DPYD: variants seen among roughly 807,000 people sequenced by gnomAD.
The protein encoded by DPYD is dihydropyrimidine dehydrogenase [NADP(+)].
A neutral mutation model predicts 116.2 loss-of-function variants in DPYD; 109 were observed. The observed-to-expected ratio is 0.94, with a 90% CI of 0.80 to 1.10. The LOEUF (loss-of-function observed/expected upper bound fraction) is 1.10, where lower values mean the gene tolerates loss of function less well. Among genes scored for constraint, DPYD ranks in the 50% least tolerant of loss-of-function variants. The pLI is 0.00. For missense variants in DPYD, 1,302 were observed against 1,254.5 expected (o/e 1.04, Z -0.57); for synonymous variants, 440 against 432.0 (o/e 1.02, Z -0.23).
chr1:97,644,257 A>C (rs1461783043), intron 8 of DPYD, among the ~76,000 whole-genome samples: 1 of 152,172 alleles, frequency 6.6e-6, no homozygotes, highest in African/African-American at 2.4e-5. Context: ...CAAGCTTTTC[A>C]ATCTCCAATG....
At chr1:97,431,076 G>A (rs1409492458) in intron 14 of DPYD, among the ~76,000 whole-genome samples, 3 of 152,048 alleles carry the variant, frequency 2.0e-5, no homozygotes, top group Middle Eastern at 3.4e-3. Context: ...TATTTATTGC[G>A]CTCCCCTTAT....
At chr1:97,919,633 G>C (rs1674399283) in intron 1 of DPYD, among the ~76,000 whole-genome samples, 1 of 152,066 alleles carries the variant, frequency 6.6e-6, no homozygotes, top group African/African-American at 2.4e-5. Flanking sequence ...AAAAGGAATA[G>C]ACTACCCTAA....
At chr1:97,827,096 A>G (rs770423209) in intron 3 of DPYD, among the ~76,000 whole-genome samples, 6 of 152,064 alleles carry the variant, frequency 3.9e-5, no homozygotes, top group Non-Finnish European at 8.8e-5. Flanking sequence ...GGTAAAAGGA[A>G]GGTTACTAAA....
At chr1:97,401,023 G>A (rs559768256) in intron 14 of DPYD, among the ~76,000 whole-genome samples, 1 of 152,080 alleles carries the variant, frequency 6.6e-6, no homozygotes, top group Admixed American at 6.6e-5. Flanking sequence ...GATGTGTAGT[G>A]GTACCTCATT....
intron 14 of DPYD, among the ~76,000 whole-genome samples, chr1:97,396,208 A>T (rs563844981): frequency 6.6e-6 from 1 of 151,626 alleles, no homozygotes; most frequent in South Asian, 2.1e-4. Context: ...ATAGCATAGA[A>T]GTTATTAGCC....
At chr1:97,437,133 A>G (rs867852567) in intron 14 of DPYD, among the ~76,000 whole-genome samples, 3 of 151,794 alleles carry the variant, frequency 2.0e-5, no homozygotes, top group Non-Finnish European at 4.4e-5. Flanking sequence ...GATAATGAAC[A>G]TATCTATTTT....
intron 16 of DPYD, among the ~76,000 whole-genome samples, chr1:97,308,025 T>G (rs1667270930): frequency 6.6e-6 from 1 of 151,850 alleles, no homozygotes. Flanking sequence ...TGAAACAAAT[T>G]TGAAATATTA....
chr1:97,610,004 C>T (rs961973295), intron 8 of DPYD, among the ~76,000 whole-genome samples: 1 of 151,960 alleles, frequency 6.6e-6, no homozygotes, highest in Non-Finnish European at 1.5e-5. Flanking sequence ...AAAATCAATT[C>T]ATTTTGAGAA....
chr1:97,904,868 G>A (rs1176230732), intron 1 of DPYD, among the ~76,000 whole-genome samples: 4 of 151,894 alleles, frequency 2.6e-5, no homozygotes, highest in Non-Finnish European at 5.9e-5. Flanking sequence ...CTTACAGTTT[G>A]TACTCAAAAT....
intron 6 of DPYD, among the ~76,000 whole-genome samples, chr1:97,694,037 A>G (rs567905594): frequency 3.7e-4 from 57 of 152,338 alleles, no homozygotes; most frequent in African/African-American, 1.3e-3. Context: ...CCTTGGCAGT[A>G]TAACTTTGAA....
chr1:97,821,715 C>T (rs1160600016), intron 3 of DPYD, among the ~76,000 whole-genome samples: 1 of 152,124 alleles, frequency 6.6e-6, no homozygotes, highest in Non-Finnish European at 1.5e-5. Context: ...ATTCTATATG[C>T]TAAGACTGCA....
intron 14 of DPYD, among the ~76,000 whole-genome samples, chr1:97,424,122 T>A (rs1227325955): frequency 3.9e-5 from 6 of 152,076 alleles, no homozygotes; most frequent in African/African-American, 1.4e-4. Context: ...AGCCAGACAA[T>A]TAAACAAACT....
chr1:97,130,898 C>A, intron 20 of DPYD, among the ~76,000 whole-genome samples: 1 of 143,446 alleles, frequency 7.0e-6, no homozygotes, highest in East Asian at 2.2e-4. Context: ...TTCCTCCCTC[C>A]CTCCCTCACT....
At chr1:97,384,246 GAAA>G (rs11286049) in intron 14 of DPYD, among the ~76,000 whole-genome samples, 1 of 138,538 alleles carries the variant, frequency 7.2e-6, no homozygotes, top group Non-Finnish European at 1.5e-5. Flanking sequence ...TTTACTTTGA[GAAA>G]AAAAAAAAAA....
At chr1:97,305,406 GC>G (rs1157648052) in intron 17 of DPYD, 28 bp from the exon 18 acceptor site, 1 of 1,611,596 alleles carries the variant, frequency 6.2e-7, no homozygotes, top group Non-Finnish European at 8.5e-7. Context: ...ACATTTTCAT[GC>G]AGCTCTTATA....
In DPYD at chr1:97,556,540, A is replaced by C. The variant is rs1221139802; in HGVS notation, c.1340-6796T>G. On this transcript the variant is annotated intron_variant, in intron 11 of 22. Coordinates refer to ENST00000370192, the MANE Select transcript of DPYD (RefSeq NM_000110.4). ...CCCACAACAGTCCCCAGAGTGTGAT[A>C]TTCCCCTTCCTGTGTCCATGTGATC... is the stretch of plus-strand genomic sequence containing the variant. Among the ~76,000 whole-genome samples the C allele has an allele frequency of 4.8e-3, 564 of 117,716 alleles. 6 individuals are homozygous for C. The highest frequency in any genetic ancestry group is 0.017 in the African/African-American group (531 of 30,620). 77.2% of individuals were successfully genotyped at this position (117,716 alleles called of 152,430 possible).
intron 21 of DPYD, among the ~76,000 whole-genome samples, chr1:97,096,951 G>A (rs1050204227): frequency 6.6e-6 from 1 of 152,050 alleles, no homozygotes; most frequent in African/African-American, 2.4e-5. Context: ...CGAAGTCAGC[G>A]AGACCATGAA....
intron 20 of DPYD, among the ~76,000 whole-genome samples, chr1:97,175,448 C>A (rs924703688): frequency 2.0e-5 from 3 of 152,180 alleles, no homozygotes; most frequent in African/African-American, 4.8e-5. Flanking sequence ...ACAACAGATG[C>A]ATCTGCCAAA....
At chr1:97,788,785 A>T (rs1667171721) in intron 3 of DPYD, among the ~76,000 whole-genome samples, 1 of 152,182 alleles carries the variant, frequency 6.6e-6, no homozygotes, top group Non-Finnish European at 1.5e-5. Flanking sequence ...AGGCAAAAAT[A>T]CAAGCTGTAT....
Sources: gnomAD v4.1 joint callset for allele counts (sites outside exome capture counted in the v4.1 genomes callset) on GRCh38, gnomAD v4.1.1 for gene constraint, MANE v1.5 for transcripts, NCBI Gene and HGNC (gene_info 2026-07-23, HGNC 2026-07-21) for gene names.